RASA1: variants seen among roughly 807,000 people sequenced by gnomAD.
RASA1 encodes ras GTPase-activating protein 1.
Under a neutral mutation model 132.2 loss-of-function variants are expected in RASA1, and 25 were observed. The ratio of observed to expected loss-of-function variants is 0.19; its 90% CI spans 0.14 to 0.26. RASA1 has a LOEUF of 0.26. RASA1 is among the 10% of genes least tolerant of loss of function. The pLI is 1.00. For missense variants in RASA1, 964 were observed against 1,299.2 expected (o/e 0.74, Z 3.97); for synonymous variants, 477 against 449.9 (o/e 1.06, Z -0.76).
intron 11 of RASA1, among the ~76,000 whole-genome samples, chr5:87,366,695 T>C (rs1338102326): frequency 1.3e-5 from 2 of 152,234 alleles, no homozygotes; most frequent in African/African-American, 2.4e-5. Context: ...GAAAAAGTTA[T>C]GTTCATGAGA....
At chr5:87,275,687 C>T (rs905441368) in intron 1 of RASA1, among the ~76,000 whole-genome samples, 1 of 152,130 alleles carries the variant, frequency 6.6e-6, no homozygotes, top group African/African-American at 2.4e-5. Flanking sequence ...TCTCCTGTCT[C>T]AGCCTCCCAA....
At chr5:87,317,147 T>C (rs1261760572) in intron 1 of RASA1, among the ~76,000 whole-genome samples, 1 of 152,172 alleles carries the variant, frequency 6.6e-6, no homozygotes. Context: ...CCTCCCAAAG[T>C]GCTGGGATTA....
chr5:87,383,858 T>TA, intron 21 of RASA1, 78 bp downstream of exon 21: 64 of 1,200,140 alleles, frequency 5.3e-5, no homozygotes, highest in Non-Finnish European at 6.7e-5. Flanking sequence ...TACTCTTAAA[T>TA]CTTTTTTTTT....
Position 87,333,157 on chromosome 5 carries a change from C to G in RASA1, c.829-110C>G, listed in dbSNP as rs980888337. ...CCAAGTAAAAATTTATTTGAATGAT[C>G]CCATGGAGTTTCTAATGTGAATTTT... On this transcript the variant is annotated intron_variant, in intron 3 of 24. Coordinates refer to ENST00000274376, the MANE Select transcript of RASA1 (RefSeq NM_002890.3). The G allele has an allele frequency of 2.7e-6, 4 of 1,469,276 alleles. No individual in the cohort carries two copies. The African/African-American group carries it at 5.7e-5, about 21-fold the overall frequency. 91.0% of individuals were successfully genotyped at this position (1,469,276 alleles called of 1,614,324 possible).
At position 87,352,833 on chromosome 5, in the gene RASA1, G is replaced by C. The variant is rs569795837; in HGVS notation, c.1254-324G>C. 2.0e-5 allele frequency among the ~76,000 whole-genome samples: 3 copies of C among 151,188 alleles called. No individual in the cohort carries two copies. The South Asian group carries it at 6.3e-4, about 32-fold the overall frequency. ...TAGTATCTCATATATACTCTTGGGGGTGAAAAAAAAGGTAGACTTTTAATC... is the reference window on the plus strand; with the variant it reads ...TAGTATCTCATATATACTCTTGGGGCTGAAAAAAAAGGTAGACTTTTAATC... On this transcript the variant is annotated intron_variant, in intron 8 of 24. Coordinates refer to ENST00000274376, the MANE Select transcript of RASA1 (RefSeq NM_002890.3).
At chr5:87,291,277 C>A (rs1021624321) in intron 1 of RASA1, among the ~76,000 whole-genome samples, 1 of 152,140 alleles carries the variant, frequency 6.6e-6, no homozygotes, top group Non-Finnish European at 1.5e-5. Flanking sequence ...TACCTATAAT[C>A]CCAGCACTTT....
chr5:87,288,584 G>T (rs1453993005), intron 1 of RASA1, among the ~76,000 whole-genome samples: 1 of 152,100 alleles, frequency 6.6e-6, no homozygotes, highest in African/African-American at 2.4e-5. Context: ...CCTTATTAAG[G>T]GTTAGCTTGT....
chr5:87,390,251 A>T (rs1387105565), intron 24 of RASA1, among the ~76,000 whole-genome samples: 1 of 152,192 alleles, frequency 6.6e-6, no homozygotes, highest in Non-Finnish European at 1.5e-5. Context: ...AGAGGAAGTG[A>T]CCACAGGGAC....
chr5:87,269,540 C>T (rs1223076410), intron 1 of RASA1, among the ~76,000 whole-genome samples: 1 of 152,122 alleles, frequency 6.6e-6, no homozygotes, highest in Admixed American at 6.6e-5. Flanking sequence ...GAACTTGGGT[C>T]AGAGAGAAAG....
chr5:87,376,248 A>G, intron 15 of RASA1, 145 bp from the exon 16 acceptor site: 1 of 899,058 alleles, frequency 1.1e-6, no homozygotes, highest in Non-Finnish European at 1.7e-6. Context: ...AAACAACTAA[A>G]TATTGAATTT....
intron 16 of RASA1, 82 bp from the exon 17 acceptor site, chr5:87,376,797 TGA>T: frequency 2.2e-6 from 3 of 1,391,986 alleles, no homozygotes; most frequent in Non-Finnish European, 3.0e-6. Context: ...TAAGAACTTG[TGA>T]AAGAACATAT....
intron 9 of RASA1, among the ~76,000 whole-genome samples, chr5:87,356,967 C>T (rs1042718467): frequency 2.0e-5 from 3 of 152,040 alleles, no homozygotes; most frequent in Non-Finnish European, 2.9e-5. Flanking sequence ...TAGAACAGTA[C>T]CTGACATTAG....
intron 13 of RASA1, among the ~76,000 whole-genome samples, chr5:87,372,588 T>C (rs1009188449): frequency 6.6e-6 from 1 of 152,194 alleles, no homozygotes; most frequent in Non-Finnish European, 1.5e-5. Context: ...GAACAGCTTT[T>C]AAAACCTACT....
chr5:87,331,276 T>C (rs1757579043), intron 1 of RASA1, 72 bp from the exon 2 acceptor site: 1 of 1,440,354 alleles, frequency 6.9e-7, no homozygotes, highest in Non-Finnish European at 9.8e-7. Flanking sequence ...TCTAGTAGTA[T>C]GTTTTTCAAG....
At chr5:87,301,930 A>T (rs1439200363) in intron 1 of RASA1, among the ~76,000 whole-genome samples, 1 of 152,138 alleles carries the variant, frequency 6.6e-6, no homozygotes, top group Non-Finnish European at 1.5e-5. Context: ...ACAGTGTATT[A>T]TCCTTTTCTA....
intron 1 of RASA1, among the ~76,000 whole-genome samples, chr5:87,299,228 G>A (rs1755253855): frequency 6.6e-6 from 1 of 152,120 alleles, no homozygotes; most frequent in Non-Finnish European, 1.5e-5. Context: ...TTTGCAGGGC[G>A]TGTTTTGAGA....
chr5:87,341,218 T>C (rs1758416764), intron 5 of RASA1, 72 bp from the exon 6 acceptor site: 1 of 915,010 alleles, frequency 1.1e-6, no homozygotes, highest in Non-Finnish European at 1.5e-6. Flanking sequence ...GCAGATACGA[T>C]TTTCATGAAT....
intron 11 of RASA1, among the ~76,000 whole-genome samples, chr5:87,369,378 G>T (rs577072976): frequency 2.5e-4 from 38 of 152,204 alleles, no homozygotes; most frequent in South Asian, 2.5e-3. Flanking sequence ...GAAGAAAAAT[G>T]ATCAGTTTAG....
In RASA1 at chr5:87,364,903, G is replaced by A. The variant is rs1424086973; in HGVS notation, c.1610+1399G>A. On this transcript the variant is annotated intron_variant, in intron 11 of 24. Coordinates refer to ENST00000274376, the MANE Select transcript of RASA1 (RefSeq NM_002890.3). Reference sequence around the variant, plus strand: ...CCTGATAGAATGAGGAGACCCTTTTGTGCCTAGATCTGTTGCTGGAAATGA... The same window carrying A: ...CCTGATAGAATGAGGAGACCCTTTTATGCCTAGATCTGTTGCTGGAAATGA... Among the ~76,000 whole-genome samples the A allele has an allele frequency of 2.0e-5, 3 of 152,280 alleles. 1 individual carries two copies. Among genetic ancestry groups the A allele is most frequent in the Admixed American group, 2.0e-4 (3 of 15,284 alleles).
Sources: gnomAD v4.1 joint callset for allele counts (sites outside exome capture counted in the v4.1 genomes callset) on GRCh38, gnomAD v4.1.1 for gene constraint, MANE v1.5 for transcripts, NCBI Gene and HGNC (gene_info 2026-07-23, HGNC 2026-07-21) for gene names.